The following C8orf34 variants were observed in gnomAD, a reference collection of about 807,000 sequenced individuals.
C8orf34 encodes the protein uncharacterized protein C8orf34.
C8orf34 carries 65 observed loss-of-function variants against 68.3 expected under a neutral mutation model. The ratio of observed to expected loss-of-function variants is 0.95; its 90% CI spans 0.78 to 1.17. The LOEUF (loss-of-function observed/expected upper bound fraction) is 1.17. Among genes scored for constraint, C8orf34 ranks in the 50% most tolerant of loss-of-function variants. The probability of loss-of-function intolerance (pLI) is 0.00; values close to 1 mark genes in which losing one functional copy is unlikely to be tolerated. For synonymous variants in C8orf34, 244 were observed against 241.2 expected, an observed-to-expected ratio of 1.01 and a Z score of -0.11; for missense variants, 664 against 655.4, an observed-to-expected ratio of 1.01 and a Z score of -0.14.
chr8:68,424,126 C>G (rs927724616), intron 1 of C8orf34, among the ~76,000 whole-genome samples: 1 of 152,164 alleles, frequency 6.6e-6, no homozygotes, highest in African/African-American at 2.4e-5. Flanking sequence ...CCCCCCTGCC[C>G]ATGTTCACCC....
intron 11 of C8orf34, among the ~76,000 whole-genome samples, chr8:68,778,011 C>T (rs2129528669): frequency 6.6e-6 from 1 of 152,248 alleles, no homozygotes; most frequent in Non-Finnish European, 1.5e-5. Flanking sequence ...TTAGCTCTTT[C>T]TTAAGCCAAC....
At chr8:68,751,445 C>G (rs1822705568) in intron 10 of C8orf34, among the ~76,000 whole-genome samples, 1 of 152,100 alleles carries the variant, frequency 6.6e-6, no homozygotes, top group Non-Finnish European at 1.5e-5. Context: ...AGTGGACCAG[C>G]TCACCCCTGT....
At chr8:68,344,005 G>A (rs748994879) in intron 1 of C8orf34, among the ~76,000 whole-genome samples, 5 of 152,298 alleles carry the variant, frequency 3.3e-5, no homozygotes, top group Non-Finnish European at 7.3e-5. Flanking sequence ...GAGATTACAG[G>A]TGTGAGCCAA....
intron 8 of C8orf34, among the ~76,000 whole-genome samples, chr8:68,682,262 A>C (rs1277520103): frequency 6.6e-6 from 1 of 152,002 alleles, no homozygotes; most frequent in Non-Finnish European, 1.5e-5. Context: ...GGTGATGGGT[A>C]CTCCATTTAC....
chr8:68,559,572 AC>A (rs1229294527), intron 7 of C8orf34, among the ~76,000 whole-genome samples: 2 of 152,166 alleles, frequency 1.3e-5, no homozygotes, highest in South Asian at 2.1e-4. Flanking sequence ...TGGCAAAAAA[AC>A]ATTTTCTTTT....
chr8:68,638,014 G>A (rs985625173), intron 7 of C8orf34, among the ~76,000 whole-genome samples: 1 of 152,160 alleles, frequency 6.6e-6, no homozygotes, highest in Non-Finnish European at 1.5e-5. Flanking sequence ...TTGTGGGTAG[G>A]TAACTACCAG....
At chr8:68,793,245 G>C (rs921715565) in intron 12 of C8orf34, among the ~76,000 whole-genome samples, 1 of 152,148 alleles carries the variant, frequency 6.6e-6, no homozygotes, top group Non-Finnish European at 1.5e-5. Flanking sequence ...AAGTTAAACA[G>C]TGGAATTTTC....
chr8:68,766,396 A>G (rs1052711726), intron 10 of C8orf34, among the ~76,000 whole-genome samples: 9 of 152,334 alleles, frequency 5.9e-5, no homozygotes, highest in Non-Finnish European at 7.3e-5. Context: ...GAATTTATAC[A>G]GGTACTTTAC....
chr8:68,557,062 T>A (rs919147677), intron 7 of C8orf34, among the ~76,000 whole-genome samples: 3 of 152,182 alleles, frequency 2.0e-5, no homozygotes, highest in African/African-American at 4.8e-5. Flanking sequence ...AGTGAAAATA[T>A]ATGTATTTTA....
At chr8:68,442,640 G>T (rs894806635) in intron 2 of C8orf34, among the ~76,000 whole-genome samples, 18 of 152,118 alleles carry the variant, frequency 1.2e-4, no homozygotes, top group Admixed American at 1.0e-3. Flanking sequence ...AAGGATACAA[G>T]CTGTGCTGAG....
chr8:68,768,348 T>C (rs1177343231), intron 10 of C8orf34, among the ~76,000 whole-genome samples: 2 of 152,206 alleles, frequency 1.3e-5, no homozygotes, highest in Non-Finnish European at 2.9e-5. Flanking sequence ...TCTTGGCTTA[T>C]TTTAGTGAGA....
At chr8:68,376,077 C>T (rs1343825063) in intron 1 of C8orf34, among the ~76,000 whole-genome samples, 1 of 151,986 alleles carries the variant, frequency 6.6e-6, no homozygotes, top group Non-Finnish European at 1.5e-5. Context: ...ATGTCCCTGT[C>T]CTTTTCCTGT....
intron 8 of C8orf34, among the ~76,000 whole-genome samples, chr8:68,705,691 T>G (rs1585756912): frequency 6.6e-6 from 1 of 152,148 alleles, no homozygotes; most frequent in African/African-American, 2.4e-5. Flanking sequence ...AGGAAACAGC[T>G]AGTTATTTTA....
intron 3 of C8orf34, among the ~76,000 whole-genome samples, chr8:68,465,232 A>G (rs1812060634): frequency 1.3e-5 from 2 of 152,076 alleles, no homozygotes; most frequent in Admixed American, 1.3e-4. Context: ...AGAGAAATGC[A>G]AATCAAAACT....
At chr8:68,789,471 A>G (rs1823932116) in intron 12 of C8orf34, among the ~76,000 whole-genome samples, 1 of 152,246 alleles carries the variant, frequency 6.6e-6, no homozygotes, top group African/African-American at 2.4e-5. Context: ...TTAAGAGTAG[A>G]AAACATAGCC....
At chr8:68,694,719 G>T (rs1295538499) in intron 8 of C8orf34, among the ~76,000 whole-genome samples, 3 of 151,892 alleles carry the variant, frequency 2.0e-5, no homozygotes, top group Non-Finnish European at 2.9e-5. Flanking sequence ...ACATCTGGGG[G>T]CTTCTTAGTT....
chr8:68,486,309 C>T (rs1813076863), intron 4 of C8orf34, among the ~76,000 whole-genome samples: 1 of 152,114 alleles, frequency 6.6e-6, no homozygotes, highest in Non-Finnish European at 1.5e-5. Flanking sequence ...TACAGCCCAG[C>T]TCCAATGCCA....
At chr8:68,678,380 A>G (rs1274007084) in intron 8 of C8orf34, among the ~76,000 whole-genome samples, 1 of 152,192 alleles carries the variant, frequency 6.6e-6, no homozygotes, top group Admixed American at 6.5e-5. Flanking sequence ...TAGAAAGATC[A>G]TTCATCACAA....
intron 11 of C8orf34, among the ~76,000 whole-genome samples, chr8:68,776,789 C>T (rs767543725): frequency 6.6e-6 from 1 of 152,072 alleles, no homozygotes; most frequent in African/African-American, 2.4e-5. Context: ...AAAGACACAA[C>T]CGCTCTTCCT....
Sources: gnomAD v4.1 joint callset for allele counts (sites outside exome capture counted in the v4.1 genomes callset) on GRCh38, gnomAD v4.1.1 for gene constraint, MANE v1.5 for transcripts, NCBI Gene and HGNC (gene_info 2026-07-23, HGNC 2026-07-21) for gene names.